The following GPC6 variants were observed in gnomAD, a reference collection of about 807,000 sequenced individuals.
The protein encoded by GPC6 is glypican 6.
GPC6 carries 14 observed loss-of-function variants against 55.2 expected under a neutral mutation model. The ratio of observed to expected loss-of-function variants is 0.25; its 90% CI spans 0.17 to 0.40. GPC6 has a LOEUF of 0.40. GPC6 is among the 10% of genes least tolerant of loss of function. GPC6 has a pLI of 1.00. For missense variants in GPC6, 641 were observed against 708.5 expected (o/e 0.90, Z 1.08); for synonymous variants, 278 against 259.6 (o/e 1.07, Z -0.68).
chr13:94,231,794 A>T (rs994264940), intron 4 of GPC6, among the ~76,000 whole-genome samples: 6 of 152,158 alleles, frequency 3.9e-5, no homozygotes, highest in African/African-American at 1.2e-4. Context: ...AATAAAATAA[A>T]ATAAAAACAA....
At chr13:93,776,522 C>G (rs1429604566) in intron 2 of GPC6, among the ~76,000 whole-genome samples, 4 of 152,054 alleles carry the variant, frequency 2.6e-5, no homozygotes, top group Admixed American at 2.0e-4. Context: ...CAGTATCATA[C>G]TGGGATAATG....
chr13:94,185,864 T>C (rs1373420374), intron 4 of GPC6, among the ~76,000 whole-genome samples: 1 of 151,792 alleles, frequency 6.6e-6, no homozygotes, highest in Non-Finnish European at 1.5e-5. Flanking sequence ...ATCAAGACCA[T>C]CCTGGCTAAC....
At chr13:94,373,514 AAAAAG>A (rs1879687982) in intron 6 of GPC6, among the ~76,000 whole-genome samples, 1 of 152,224 alleles carries the variant, frequency 6.6e-6, no homozygotes, top group African/African-American at 2.4e-5. Context: ...AGTTTAGAGA[AAAAAG>A]AATAAAAAGA....
chr13:93,634,574 G>T (rs2139576586), intron 2 of GPC6, among the ~76,000 whole-genome samples: 1 of 152,218 alleles, frequency 6.6e-6, no homozygotes, highest in East Asian at 1.9e-4. Flanking sequence ...TATGTTTTGT[G>T]GTTCCGGGAT....
At chr13:93,972,077 A>G (rs536846317) in intron 3 of GPC6, among the ~76,000 whole-genome samples, 4 of 152,142 alleles carry the variant, frequency 2.6e-5, no homozygotes, top group Non-Finnish European at 5.9e-5. Flanking sequence ...GGACTGTAGA[A>G]CCCTGGTCTT....
chr13:94,324,264 C>T (rs143892465), intron 6 of GPC6, among the ~76,000 whole-genome samples: 139 of 147,994 alleles, frequency 9.4e-4, no homozygotes, highest in African/African-American at 3.3e-3. Flanking sequence ...GAGCAGCGTA[C>T]ATGCCTGTGG....
At chr13:93,979,264 G>A (rs1197463172) in intron 3 of GPC6, among the ~76,000 whole-genome samples, 1 of 147,114 alleles carries the variant, frequency 6.8e-6, no homozygotes, top group African/African-American at 2.5e-5. Context: ...ATATTGGACA[G>A]CACAAAGACA....
At chr13:93,834,607 C>T (rs1208614441) in intron 3 of GPC6, among the ~76,000 whole-genome samples, 1 of 151,940 alleles carries the variant, frequency 6.6e-6, no homozygotes, top group East Asian at 1.9e-4. Context: ...CATGTATGTG[C>T]AAGCATGTAT....
intron 1 of GPC6, among the ~76,000 whole-genome samples, chr13:93,467,748 C>T (rs1225820360): frequency 6.6e-6 from 1 of 151,724 alleles, no homozygotes; most frequent in Non-Finnish European, 1.5e-5. Flanking sequence ...CCATGACCAG[C>T]TTATTTTTTA....
intron 3 of GPC6, among the ~76,000 whole-genome samples, chr13:93,961,641 C>T (rs1879781649): frequency 6.6e-6 from 1 of 152,274 alleles, no homozygotes; most frequent in African/African-American, 2.4e-5. Flanking sequence ...TTGATTTGGC[C>T]ATGATGTCCC....
At chr13:94,311,500 C>T (rs1876246502) in intron 6 of GPC6, among the ~76,000 whole-genome samples, 2 of 152,164 alleles carry the variant, frequency 1.3e-5, no homozygotes, top group South Asian at 4.1e-4. Context: ...ATGCACTCTA[C>T]ATGGTATCAT....
At chr13:93,915,583 G>A (rs1287469038) in intron 3 of GPC6, among the ~76,000 whole-genome samples, 2 of 152,266 alleles carry the variant, frequency 1.3e-5, no homozygotes, top group Admixed American at 1.3e-4. Context: ...GTGTTCCACT[G>A]GAAAAAATTC....
chr13:93,527,312 C>T (rs928990135), intron 1 of GPC6, among the ~76,000 whole-genome samples: 2 of 151,960 alleles, frequency 1.3e-5, no homozygotes, highest in African/African-American at 4.8e-5. Flanking sequence ...AAAAACATTA[C>T]GTTCGATGTA....
intron 1 of GPC6, among the ~76,000 whole-genome samples, chr13:93,329,314 TA>T (rs1879760084): frequency 6.6e-6 from 1 of 152,198 alleles, no homozygotes; most frequent in Non-Finnish European, 1.5e-5. Context: ...CAACAGCTTG[TA>T]AAAGCCAGTG....
At position 94,405,523 on chromosome 13, in the gene GPC6, T is replaced by G. The variant is rs926932404; in HGVS notation, c.*2306T>G. 1 of 152,222 alleles carries G rather than the reference T, an allele frequency of 6.6e-6. No individual in the cohort carries two copies. The highest frequency in any genetic ancestry group is 1.5e-5 in the Non-Finnish European group (1 of 68,034). 9.4% of individuals were successfully genotyped at this position (152,222 alleles called of 1,614,324 possible). ...AGGTCTTTCCTTTTTAAAATATTTC[T>G]GCATTCTCTTTTATGAACTAGATCA... On this transcript the variant is annotated 3_prime_UTR_variant, in exon 9 of 9. Transcript: ENST00000377047.
At chr13:94,015,069 A>G (rs1882407123) in intron 3 of GPC6, among the ~76,000 whole-genome samples, 1 of 152,200 alleles carries the variant, frequency 6.6e-6, no homozygotes, top group Non-Finnish European at 1.5e-5. Flanking sequence ...GAATTGCTAG[A>G]TCACATGGTA....
chr13:93,505,403 A>G (rs1880672883), intron 1 of GPC6, among the ~76,000 whole-genome samples: 1 of 151,646 alleles, frequency 6.6e-6, no homozygotes, highest in Non-Finnish European at 1.5e-5. Flanking sequence ...TACTGTTTAA[A>G]AACTCTCATT....
intron 1 of GPC6, among the ~76,000 whole-genome samples, chr13:93,520,315 C>G (rs563619051): frequency 8.4e-4 from 128 of 152,052 alleles, no homozygotes; most frequent in African/African-American, 3.0e-3. Flanking sequence ...ACAAATTTTA[C>G]TTGCTGCCCT....
chr13:94,337,552 A>C (rs1195639811), intron 6 of GPC6, among the ~76,000 whole-genome samples: 1 of 151,264 alleles, frequency 6.6e-6, no homozygotes, highest in Non-Finnish European at 1.5e-5. Flanking sequence ...GGTTCAAGCG[A>C]TTCTCCTGCC....
Sources: gnomAD v4.1 joint callset for allele counts (sites outside exome capture counted in the v4.1 genomes callset) on GRCh38, gnomAD v4.1.1 for gene constraint, MANE v1.5 for transcripts, NCBI Gene and HGNC (gene_info 2026-07-23, HGNC 2026-07-21) for gene names.